The following FAM222B variants were observed in gnomAD, a reference collection of about 807,000 sequenced individuals.
FAM222B encodes the protein family with sequence similarity 222 member B.
In FAM222B, 12 loss-of-function variants were observed where a neutral mutation model predicts 38.0. That is an observed-to-expected ratio of 0.32 (90% CI 0.20 to 0.51). The LOEUF (loss-of-function observed/expected upper bound fraction) is 0.51, where lower values mean the gene tolerates loss of function less well. FAM222B is among the 20% of genes least tolerant of loss of function. The probability of loss-of-function intolerance (pLI) is 0.97; values close to 1 mark genes in which losing one functional copy is unlikely to be tolerated. For missense variants in FAM222B, 716 were observed against 754.2 expected (o/e 0.95, Z 0.59); for synonymous variants, 329 against 317.2 (o/e 1.04, Z -0.40).
At chr17:28,784,587 C>G (rs975573125) in intron 1 of FAM222B, among the ~76,000 whole-genome samples, 8 of 148,404 alleles carry the variant, frequency 5.4e-5, no homozygotes, top group Non-Finnish European at 1.2e-4. Flanking sequence ...GCCTGTAATC[C>G]CAGCACTCTG....
At chr17:28,790,700 A>G (rs927090200) in intron 1 of FAM222B, among the ~76,000 whole-genome samples, 14 of 152,086 alleles carry the variant, frequency 9.2e-5, no homozygotes, top group African/African-American at 2.7e-4. Flanking sequence ...TAATGTGTCA[A>G]TGTTACTTTC....
intron 1 of FAM222B, among the ~76,000 whole-genome samples, chr17:28,816,275 AAAAT>A (rs1483981727): frequency 2.0e-5 from 3 of 152,170 alleles, no homozygotes; most frequent in Non-Finnish European, 4.4e-5. Context: ...TCCGTCTCAA[AAAAT>A]AAATAAGTAA....
intron 1 of FAM222B, among the ~76,000 whole-genome samples, chr17:28,828,285 G>A (rs1307286717): frequency 2.0e-5 from 3 of 151,016 alleles, no homozygotes; most frequent in African/African-American, 7.3e-5. Flanking sequence ...AAAGTGAGCT[G>A]GGCACAGAGG....
chr17:28,799,528 C>G (rs1259638087), intron 1 of FAM222B, among the ~76,000 whole-genome samples: 1 of 146,220 alleles, frequency 6.8e-6, no homozygotes, highest in African/African-American at 2.5e-5. Flanking sequence ...CCAGGATGGT[C>G]TCGATCTCCT....
upstream of FAM222B, among the ~76,000 whole-genome samples, chr17:28,846,302 G>C (rs1338332113): frequency 6.6e-6 from 1 of 151,940 alleles, no homozygotes. Context: ...CCAGGAGGCA[G>C]AGGTTGCAGT....
chr17:28,793,577 C>G (rs145149154), intron 1 of FAM222B, among the ~76,000 whole-genome samples: 1 of 152,076 alleles, frequency 6.6e-6, no homozygotes, highest in Non-Finnish European at 1.5e-5. Flanking sequence ...TATACTCCCC[C>G]TTTCCTCTTC....
At chr17:28,805,689 G>T (rs1051547895) in intron 1 of FAM222B, among the ~76,000 whole-genome samples, 5 of 152,036 alleles carry the variant, frequency 3.3e-5, no homozygotes, top group Non-Finnish European at 7.4e-5. Context: ...AAAAAAGTGG[G>T]ATCTCTGTCT....
rs578033739 is a variant in FAM222B, at chr17:28,766,779, A to G, written c.-40-72T>C. ...GAAGAAGAGAGTAGGAACACTGGAT[A>G]TGACTGGCGTGAGGCCCAAGTTTAG... is the stretch of plus-strand genomic sequence containing the variant. On this transcript the variant is annotated intron_variant, in intron 1 of 2. Coordinates refer to ENST00000581407, the MANE Select transcript of FAM222B (RefSeq NM_001077498.3). The G allele has an allele frequency of 7.0e-6, 6 of 855,206 alleles. No homozygotes were observed. In the African/African-American group the frequency reaches 1.0e-4, roughly 14 times the overall value. 53.0% of individuals were successfully genotyped at this position (855,206 alleles called of 1,614,324 possible). A position where few individuals can be genotyped will look rare whatever the true frequency, so the allele number is the denominator to read the frequency against.
At chr17:28,817,361 C>G (rs1035024710) in intron 1 of FAM222B, among the ~76,000 whole-genome samples, 2 of 150,432 alleles carry the variant, frequency 1.3e-5, no homozygotes, top group Non-Finnish European at 3.0e-5. Flanking sequence ...TGCAGTGAGC[C>G]GATATCGCAC....
intron 1 of FAM222B, among the ~76,000 whole-genome samples, chr17:28,771,284 G>A (rs564268809): frequency 1.3e-5 from 2 of 152,292 alleles, no homozygotes; most frequent in Non-Finnish European, 2.9e-5. Context: ...AATAACTGAG[G>A]AAGGTAGAGT....
intron 1 of FAM222B, among the ~76,000 whole-genome samples, chr17:28,810,693 T>C (rs1241180073): frequency 2.6e-5 from 4 of 152,198 alleles, no homozygotes; most frequent in Admixed American, 2.6e-4. Context: ...ACCCAAAACC[T>C]GACACAGGAT....
At chr17:28,800,543 C>A (rs1259995757) in intron 1 of FAM222B, among the ~76,000 whole-genome samples, 2 of 152,132 alleles carry the variant, frequency 1.3e-5, no homozygotes, top group African/African-American at 4.8e-5. Flanking sequence ...AGTTGGGACA[C>A]TGGTTCAGCT....
intron 1 of FAM222B, chr17:28,777,131 G>A (rs1386892441): frequency 6.6e-6 from 1 of 152,084 alleles, no homozygotes; most frequent in Admixed American, 6.6e-5. Flanking sequence ...ACTTGCAATT[G>A]TGACCTCACA....
intron 2 of FAM222B, 121 bp downstream of exon 2, chr17:28,766,465 A>G: frequency 1.3e-6 from 1 of 777,050 alleles, no homozygotes; most frequent in Non-Finnish European, 2.0e-6. Flanking sequence ...CTTAAAAAAA[A>G]AAAAAAAAGA....
intron 1 of FAM222B, among the ~76,000 whole-genome samples, chr17:28,851,485 G>A (rs1156985205): frequency 1.3e-5 from 2 of 151,880 alleles, no homozygotes; most frequent in African/African-American, 2.4e-5. Flanking sequence ...AGTGAGCCAA[G>A]ATCATGCCAT....
At chr17:28,830,455 C>T (rs374623637) in intron 1 of FAM222B, among the ~76,000 whole-genome samples, 1 of 152,044 alleles carries the variant, frequency 6.6e-6, no homozygotes, top group Admixed American at 6.6e-5. Context: ...CCACCACACC[C>T]GGCCTATACA....
At chr17:28,830,530 A>G (rs1485509990) in intron 1 of FAM222B, among the ~76,000 whole-genome samples, 1 of 152,046 alleles carries the variant, frequency 6.6e-6, no homozygotes, top group African/African-American at 2.4e-5. Flanking sequence ...TGTTGCTTAT[A>G]TTTTCATCTA....
chr17:28,808,146 CTG>C (rs1260977844), intron 1 of FAM222B, among the ~76,000 whole-genome samples: 1 of 152,234 alleles, frequency 6.6e-6, no homozygotes, highest in African/African-American at 2.4e-5. Flanking sequence ...GGCCCAAGAG[CTG>C]TGTTACCACT....
At position 28,840,869 on chromosome 17, in the gene FAM222B, G is replaced by A. The variant is rs922677553; in HGVS notation, c.-41+1813C>T. On this transcript the variant is annotated intron_variant, in intron 1 of 2. Coordinates refer to ENST00000581407, the MANE Select transcript of FAM222B (RefSeq NM_001077498.3). ...CCAGGTACTAGGGAGGCTGAGGCAG[G>A]AGAATTGCTTGAACCCAGGAGGCGG... Among the ~76,000 whole-genome samples the A allele has an allele frequency of 1.2e-4, 18 of 152,162 alleles. No homozygotes were observed. The East Asian group carries it at 1.9e-3, about 16-fold the overall frequency.
Sources: allele counts gnomAD v4.1 joint callset (sites outside exome capture counted in the v4.1 genomes callset), GRCh38; gene constraint gnomAD v4.1.1; transcripts MANE v1.5; gene names NCBI Gene and HGNC (gene_info 2026-07-23, HGNC 2026-07-21).